Variants in SLFN12 observed in about 807,000 individuals in gnomAD.
The protein encoded by SLFN12 is ribonuclease SLFN12.
SLFN12 carries 25 observed loss-of-function variants against 29.1 expected under a neutral mutation model. That is an observed-to-expected ratio of 0.86 (90% CI 0.63 to 1.20). The LOEUF (loss-of-function observed/expected upper bound fraction) is 1.20, where lower values mean the gene tolerates loss of function less well. SLFN12 is among the 50% of genes most tolerant of loss of function. SLFN12 has a pLI of 0.00. For synonymous variants in SLFN12, 257 were observed against 238.7 expected, an observed-to-expected ratio of 1.08 and a Z score of -0.71; for missense variants, 660 against 666.2, an observed-to-expected ratio of 0.99 and a Z score of 0.10.
chr17:35,422,079 T>C lies in SLFN12; in HGVS notation c.950A>G (p.Lys317Arg), dbSNP rs1911691877. Residue 317 changes from lysine to arginine, a missense_variant, in exon 2 of 4, where the codon AAA becomes AGA. Physicochemically the swap from Lys to Arg is conservative, Grantham distance 26. Coordinates refer to ENST00000304905, the MANE Select transcript of SLFN12 (RefSeq NM_018042.5). The stretch of plus-strand genomic sequence containing the variant: ...TTTCACATGCCAGGAATCAGGCTCT[T>C]TAGCAAACACTGCACAGCAGAAGCG... ...VERFCCAVFA[K>R]EPDSWHVKDN... 1.2e-6 allele frequency: 2 copies of C among 1,614,116 alleles called. No homozygotes were observed. Among genetic ancestry groups the C allele is most frequent in the African/African-American group, 2.7e-5 (2 of 75,066 alleles).
intron 3 of SLFN12, among the ~76,000 whole-genome samples, chr17:35,414,440 C>G (rs1368453909): frequency 6.6e-6 from 1 of 151,846 alleles, no homozygotes; most frequent in Non-Finnish European, 1.5e-5. Flanking sequence ...CTATAAAATG[C>G]TGATGAAGGA....
In SLFN12 at chr17:35,422,104, G is replaced by C; in HGVS notation, c.925C>G (p.Arg309Gly). ...TTAGCAAACACTGCACAGCAGAAGCGCTCCACTCTGAGTGCACAGACATAT... is the reference window on the plus strand; with the variant it reads ...TTAGCAAACACTGCACAGCAGAAGCCCTCCACTCTGAGTGCACAGACATAT... Reference protein sequence around the residue: ...CGYVCALRVERFCCAVFAKEP... With the variant: ...CGYVCALRVEGFCCAVFAKEP... The change falls in exon 2 of 4, where the codon CGC becomes GGC. Residue 309 changes from arginine to glycine, a missense_variant. Coordinates refer to ENST00000304905, the MANE Select transcript of SLFN12 (RefSeq NM_018042.5). 3 of 1,614,080 alleles carry C rather than the reference G, an allele frequency of 1.9e-6. No homozygotes were observed. The highest frequency in any genetic ancestry group is 2.5e-6 in the Non-Finnish European group (3 of 1,180,014).
intron 3 of SLFN12, among the ~76,000 whole-genome samples, chr17:35,415,142 C>T (rs1461562346): frequency 2.6e-5 from 4 of 152,054 alleles, no homozygotes; most frequent in Admixed American, 2.6e-4. Context: ...ACCAAAACAG[C>T]ATGGTTCTGA....
In SLFN12 at chr17:35,422,527, A is replaced by G. The variant is rs2586514; in HGVS notation, c.502T>C (p.Cys168Arg). The change falls in exon 2 of 4, where the codon TGT becomes CGT. Residue 168 changes from cysteine to arginine, a missense_variant. Cys to Arg is a radical substitution (Grantham distance 180). Coordinates refer to ENST00000304905, the MANE Select transcript of SLFN12 (RefSeq NM_018042.5). ...LRPELLAKRP[C>R]VDIQEENNMK... ...TTATTTTCTTCTTGTATATCAACAC[A>G]GGGCCTCTTTGCCAGCAATTCTGGT... The G allele has an allele frequency of 0.6, 970,924 of 1,613,898 alleles. 294,324 individuals carry two copies. The highest frequency in any genetic ancestry group is 0.64 in the South Asian group (58,655 of 91,072).
intron 3 of SLFN12, among the ~76,000 whole-genome samples, chr17:35,414,299 A>T (rs1290542256): frequency 6.6e-6 from 1 of 152,128 alleles, no homozygotes; most frequent in Non-Finnish European, 1.5e-5. Context: ...TACAAAAATC[A>T]GTAGCATTTC....
chr17:35,413,516 G>A (rs1372782712), intron 3 of SLFN12, among the ~76,000 whole-genome samples: 4 of 152,050 alleles, frequency 2.6e-5, no homozygotes, highest in African/African-American at 4.8e-5. Context: ...GGGAGGCCAA[G>A]GCAGGTGGAT....
Position 35,422,346 on chromosome 17 carries a change from G to T in SLFN12, c.683C>A (p.Ala228Glu). 6.2e-7 allele frequency: 1 copy of T among 1,613,902 alleles called. No homozygotes were observed. Among genetic ancestry groups the T allele is most frequent in the South Asian group, 1.1e-5 (1 of 90,996 alleles). Residue 228 changes from alanine (A) to glutamate (E), a missense_variant, in exon 2 of 4, where the codon GCA (alanine) becomes GAA (glutamate). Transcript: ENST00000304905. Reference sequence around the variant, plus strand: ...ATATCCTCCATCAGTATTTGCAAATGCAGAAACATATTGAGGGAGAATCTC... The same window carrying T: ...ATATCCTCCATCAGTATTTGCAAATTCAGAAACATATTGAGGGAGAATCTC... ...IKEILPQYVS[A>E]FANTDGGYLF...
chr17:35,421,077 C>T (rs934426140), intron 2 of SLFN12, among the ~76,000 whole-genome samples: 2 of 151,574 alleles, frequency 1.3e-5, no homozygotes, highest in East Asian at 1.9e-4. Context: ...GGCGTGGTGG[C>T]GGGCACCTGT....
chr17:35,411,570 G>A lies in SLFN12; in HGVS notation c.1505C>T (p.Pro502Leu), dbSNP rs1206974436. Residue 502 changes from proline to leucine, a missense_variant, in exon 4 of 4, where the codon CCT becomes CTT. Pro to Leu is a moderately conservative substitution (Grantham distance 98). Coordinates refer to ENST00000304905, the MANE Select transcript of SLFN12 (RefSeq NM_018042.5). ...CVMTKIFYLS[P>L]EGMTSCQYDL... is the part of the protein sequence containing the mutation. ...ATACTGGCAGCTTGTCATGCCTTCAGGGCTCAAGTAGAAGATCTTTGTCAT... is the reference window on the plus strand; with the variant it reads ...ATACTGGCAGCTTGTCATGCCTTCAAGGCTCAAGTAGAAGATCTTTGTCAT... 1.2e-6 allele frequency: 2 copies of A among 1,614,052 alleles called. No homozygotes were observed. Among genetic ancestry groups the A allele is most frequent in the East Asian group, 2.2e-5 (1 of 44,874 alleles).
At chr17:35,428,260 T>C (rs1481894204) in intron 1 of SLFN12, among the ~76,000 whole-genome samples, 1 of 152,138 alleles carries the variant, frequency 6.6e-6, no homozygotes, top group Non-Finnish European at 1.5e-5. Context: ...TGTATCAGAA[T>C]TATCGCTAGC....
rs1422109300 is a variant in SLFN12 at position 35,421,979 on chromosome 17, C to T, written c.1039+11G>A. 2 of 1,608,806 alleles carry T rather than the reference C, an allele frequency of 1.2e-6. No individual in the cohort carries two copies. The highest frequency in any genetic ancestry group is 2.7e-5 in the African/African-American group (2 of 74,806). On this transcript the variant is annotated intron_variant, in intron 2 of 3. Coordinates refer to ENST00000304905, the MANE Select transcript of SLFN12 (RefSeq NM_018042.5). The stretch of plus-strand genomic sequence containing the variant: ...CAAATGCATTCCTGTTGCGAATCCC[C>T]CGCTCTCAACTTGGTTCAGCCTCCA...
chr17:35,417,812 C>T (rs923081365), intron 3 of SLFN12, among the ~76,000 whole-genome samples: 6 of 151,768 alleles, frequency 4.0e-5, no homozygotes, highest in African/African-American at 1.5e-4. Flanking sequence ...AAATCAACTG[C>T]ATTTCTACAC....
chr17:35,422,638 T>C lies in SLFN12; in HGVS notation c.391A>G (p.Ile131Val), dbSNP rs1911758328. The change falls in exon 2 of 4, where the codon ATA becomes GTA. Residue 131 changes from isoleucine (I) to valine (V), a missense_variant. Coordinates refer to ENST00000304905, the MANE Select transcript of SLFN12 (RefSeq NM_018042.5). Reference sequence around the variant, plus strand: ...GCATTCATGACTTTTGCAGATGTTATATCTCTTTTGTACAAATTGGAGCTC... The same window carrying C: ...GCATTCATGACTTTTGCAGATGTTACATCTCTTTTGTACAAATTGGAGCTC... ...TLSSNLYKRD[I>V]TSAKVMNATA... 9 of 1,613,994 alleles carry C rather than the reference T, an allele frequency of 5.6e-6. No homozygotes were observed. The highest frequency in any genetic ancestry group is 7.6e-6 in the Non-Finnish European group (9 of 1,179,958).
intron 2 of SLFN12, 63 bp downstream of exon 2, chr17:35,421,925 CAT>C (rs1911681256): frequency 6.4e-7 from 1 of 1,559,758 alleles, no homozygotes; most frequent in African/African-American, 1.4e-5. Context: ...CCCCAGATCC[CAT>C]AGAGAAAACC....
rs773178538 is a variant in SLFN12, at chr17:35,426,903, T to C, written c.-40-3835A>G. 2.8e-4 allele frequency among the ~76,000 whole-genome samples: 43 copies of C among 152,138 alleles called. 1 individual carries two copies. Among genetic ancestry groups the C allele is most frequent in the Non-Finnish European group, 2.5e-4 (17 of 68,024 alleles). On this transcript the variant is annotated intron_variant, in intron 1 of 3. Transcript: ENST00000304905. Reference sequence around the variant, plus strand: ...ATTTCCCAAAGAATCTCACCCCAGCTCATCTTCTGAGCCTTAGATGGTTAT... The same window carrying C: ...ATTTCCCAAAGAATCTCACCCCAGCCCATCTTCTGAGCCTTAGATGGTTAT...
rs371908711 is a variant in SLFN12 at position 35,411,613 on chromosome 17, T to G, written c.1462A>C (p.Thr488Pro). Residue 488 changes from threonine to proline, a missense_variant, in exon 4 of 4, where the codon ACT (threonine) becomes CCT (proline). Coordinates refer to ENST00000304905, the MANE Select transcript of SLFN12 (RefSeq NM_018042.5). ...TTTGTCATGACACACACTTTTTTAG[T>G]GTAACCACCAATTTTTGCCAGCTTC... Reference protein sequence around the residue: ...KQKLAKIGGYTKKVCVMTKIF... With the variant: ...KQKLAKIGGYPKKVCVMTKIF... The G allele has an allele frequency of 1.4e-5, 23 of 1,613,992 alleles. No individual in the cohort carries two copies. Among genetic ancestry groups the G allele is most frequent in the Non-Finnish European group, 1.7e-5 (20 of 1,180,010 alleles).
In SLFN12 at chr17:35,422,433, G is replaced by A. The variant is rs180714879; in HGVS notation, c.596C>T (p.Thr199Ile). ...ELDRKEKLTF[T>I]ESTHVEIKNF... ...TTTAATTTCAACATGTGTGGATTCAGTAAAGGTCAATTTTTCTTTCCGATC... is the reference window on the plus strand; with the variant it reads ...TTTAATTTCAACATGTGTGGATTCAATAAAGGTCAATTTTTCTTTCCGATC... The change falls in exon 2 of 4, where the codon ACT (threonine) becomes ATT (isoleucine). Residue 199 changes from threonine (T) to isoleucine (I), a missense_variant. Thr to Ile is a moderately conservative substitution (Grantham distance 89, BLOSUM62 -1). Transcript: ENST00000304905. 21 of 1,612,866 alleles carry A rather than the reference G, an allele frequency of 1.3e-5. No individual in the cohort carries two copies. The African/African-American group carries it at 2.0e-4, about 15-fold the overall frequency.
rs952015299 is a variant in SLFN12 at position 35,422,819 on chromosome 17, A to T, written c.210T>A (p.Tyr70Ter). The T allele has an allele frequency of 6.2e-7, 1 of 1,613,766 alleles. No individual in the cohort carries two copies. The highest frequency in any genetic ancestry group is 8.5e-7 in the Non-Finnish European group (1 of 1,179,804). ...AATCTAGTCCTATTCCATCTTTTGT[A>T]TAACTATAGTCTTCATTCTCAATTT... ...KAEIENEDYS[Y>*]TKDGIGLDLE... The change falls in exon 2 of 4, where the codon TAT becomes TAA. Residue 70 changes from tyrosine to a stop codon, truncating the protein, a stop_gained. Coordinates refer to ENST00000304905, the MANE Select transcript of SLFN12 (RefSeq NM_018042.5). LOFTEE classifies it high-confidence loss of function.
At chr17:35,429,586 A>C (rs752288212) in intron 1 of SLFN12, among the ~76,000 whole-genome samples, 1 of 152,104 alleles carries the variant, frequency 6.6e-6, no homozygotes, top group African/African-American at 2.4e-5. Context: ...GTTGTTGGCT[A>C]TCTTTAATGG....
Sources: allele counts gnomAD v4.1 joint callset (sites outside exome capture counted in the v4.1 genomes callset), GRCh38; gene constraint gnomAD v4.1.1; transcripts MANE v1.5; gene names NCBI Gene and HGNC (gene_info 2026-07-23, HGNC 2026-07-21).